SORCS1: variants seen among roughly 807,000 people sequenced by gnomAD.
The protein encoded by SORCS1 is sortilin related VPS10 domain containing receptor 1, also known as VPS10 domain-containing receptor SorCS1.
Under a neutral mutation model 146.1 loss-of-function variants are expected in SORCS1, and 60 were observed. That is an observed-to-expected ratio of 0.41 (90% CI 0.33 to 0.51). The LOEUF is 0.51. SORCS1 is among the 20% of genes least tolerant of loss of function. The probability of loss-of-function intolerance (pLI) is 0.21; values close to 1 mark genes in which losing one functional copy is unlikely to be tolerated. For synonymous variants in SORCS1, 637 were observed against 584.0 expected, an observed-to-expected ratio of 1.09 and a Z score of -1.31; for missense variants, 1,352 against 1,487.6, an observed-to-expected ratio of 0.91 and a Z score of 1.50.
At chr10:106,698,135 C>T (rs1201023745) in intron 9 of SORCS1, among the ~76,000 whole-genome samples, 1 of 152,170 alleles carries the variant, frequency 6.6e-6, no homozygotes, top group African/African-American at 2.4e-5. Context: ...TATACATACA[C>T]AGAAGTTTAG....
At chr10:106,656,238 C>T (rs1850275630) in intron 17 of SORCS1, among the ~76,000 whole-genome samples, 1 of 152,088 alleles carries the variant, frequency 6.6e-6, no homozygotes, top group Non-Finnish European at 1.5e-5. Context: ...TTCTTTGCTA[C>T]CTGGAAGTCT....
At chr10:107,039,961 A>T (rs1316347465) in intron 1 of SORCS1, among the ~76,000 whole-genome samples, 3 of 152,142 alleles carry the variant, frequency 2.0e-5, no homozygotes, top group Admixed American at 6.5e-5. Flanking sequence ...AAAGAAAAAA[A>T]TTAGCCAGGC....
chr10:107,102,759 A>G (rs993235079), intron 1 of SORCS1, among the ~76,000 whole-genome samples: 1 of 152,244 alleles, frequency 6.6e-6, no homozygotes, highest in Non-Finnish European at 1.5e-5. Context: ...AAATGCACAC[A>G]CAATTAGAGG....
At chr10:106,989,305 C>G (rs112547441) in intron 1 of SORCS1, among the ~76,000 whole-genome samples, 29,392 of 141,796 alleles carry the variant, frequency 0.21, 4,263 homozygotes, top group Middle Eastern at 0.31. Context: ...AAAGAATACT[C>G]CAATGCCTTT....
intron 24 of SORCS1, among the ~76,000 whole-genome samples, chr10:106,588,572 A>C (rs1381211522): frequency 6.6e-6 from 1 of 152,094 alleles, no homozygotes; most frequent in Non-Finnish European, 1.5e-5. Context: ...AAAAATGAAG[A>C]TTCCTGGGGC....
At chr10:106,928,607 C>A (rs919617767) in intron 2 of SORCS1, among the ~76,000 whole-genome samples, 2 of 152,214 alleles carry the variant, frequency 1.3e-5, no homozygotes, top group African/African-American at 4.8e-5. Flanking sequence ...GCAGAGGCAG[C>A]GCTGAGAGCG....
intron 1 of SORCS1, among the ~76,000 whole-genome samples, chr10:107,139,010 GA>G (rs1318817100): frequency 6.6e-6 from 1 of 152,154 alleles, no homozygotes; most frequent in Non-Finnish European, 1.5e-5. Context: ...CCAACCAAAT[GA>G]GGGTAAACAA....
chr10:106,679,525 C>A, intron 11 of SORCS1, 107 bp downstream of exon 11: 1 of 1,103,376 alleles, frequency 9.1e-7, no homozygotes. Flanking sequence ...TCATTAAGTT[C>A]CAAGTACAGA....
At chr10:106,708,442 T>C (rs952359073) in intron 7 of SORCS1, among the ~76,000 whole-genome samples, 1 of 152,192 alleles carries the variant, frequency 6.6e-6, no homozygotes, top group Non-Finnish European at 1.5e-5. Context: ...CTTTTATATA[T>C]ACGTATAAGC....
chr10:106,645,910 T>C (rs2133712530), intron 18 of SORCS1, among the ~76,000 whole-genome samples: 1 of 152,266 alleles, frequency 6.6e-6, no homozygotes, highest in East Asian at 1.9e-4. Flanking sequence ...TAATTTTTTA[T>C]TTTTGAAATA....
chr10:106,812,922 A>T (rs1266554708), intron 3 of SORCS1, among the ~76,000 whole-genome samples: 1 of 152,046 alleles, frequency 6.6e-6, no homozygotes, highest in Non-Finnish European at 1.5e-5. Context: ...TGTACAAGGG[A>T]AAGAACAAGT....
At chr10:106,995,267 T>G (rs1198676942) in intron 1 of SORCS1, among the ~76,000 whole-genome samples, 1 of 148,310 alleles carries the variant, frequency 6.7e-6, no homozygotes, top group Non-Finnish European at 1.5e-5. Flanking sequence ...TGAGCCGAGA[T>G]CGCACCACCG....
chr10:106,649,316 G>C (rs994915157), intron 18 of SORCS1, among the ~76,000 whole-genome samples: 1 of 152,106 alleles, frequency 6.6e-6, no homozygotes, highest in Non-Finnish European at 1.5e-5. Flanking sequence ...ACTGCTGTGG[G>C]GTCAGAGCCC....
rs753822918 is a variant in SORCS1, at chr10:106,688,341, G to A, written c.1414-3C>T. ...AACATTCCCTTTATCCCTGCTACCT[G>A]GGAAAAATTGACATGGCTGAAAAAT... On this transcript the variant is annotated splice_polypyrimidine_tract_variant and splice_region_variant and intron_variant, in intron 9 of 25. Transcript: ENST00000263054. The A allele has an allele frequency of 3.1e-6, 5 of 1,607,044 alleles. No individual in the cohort carries two copies. The highest frequency in any genetic ancestry group is 4.2e-6 in the Non-Finnish European group (5 of 1,177,868).
chr10:106,797,346 A>G (rs1946623833), intron 3 of SORCS1, among the ~76,000 whole-genome samples: 1 of 151,976 alleles, frequency 6.6e-6, no homozygotes. Context: ...TTTTTCAAAT[A>G]TATCATTTGC....
chr10:106,596,401 C>T (rs1173056803), intron 24 of SORCS1, among the ~76,000 whole-genome samples: 2 of 152,322 alleles, frequency 1.3e-5, no homozygotes, highest in African/African-American at 2.4e-5. Context: ...ATTATTAATA[C>T]ATCACAACAA....
At chr10:107,173,918 A>C in the SORCS1 span, among the ~76,000 whole-genome samples, 1 of 152,204 alleles carries the variant, frequency 6.6e-6, no homozygotes, top group Non-Finnish European at 1.5e-5. Context: ...TTTTGTGCTA[A>C]CAAAGCACTT....
chr10:107,157,051 AAGCTGAACCTGGAACTCAGGAGCTCTAC>A (rs1245210912), intron 1 of SORCS1, among the ~76,000 whole-genome samples: 6 of 152,220 alleles, frequency 3.9e-5, no homozygotes, highest in African/African-American at 1.4e-4. Context: ...ACAACTTGAA[AAGCTGAACCTGGAACTCAGGAGCTCTAC>A]AGCCAATATT....
At chr10:106,771,289 A>G (rs1201943923) in intron 4 of SORCS1, among the ~76,000 whole-genome samples, 1 of 152,072 alleles carries the variant, frequency 6.6e-6, no homozygotes, top group Non-Finnish European at 1.5e-5. Context: ...GTTTCCCAAC[A>G]CATCATGTTT....
Sources: allele counts gnomAD v4.1 joint callset (sites outside exome capture counted in the v4.1 genomes callset), GRCh38; gene constraint gnomAD v4.1.1; transcripts MANE v1.5; gene names NCBI Gene and HGNC (gene_info 2026-07-23, HGNC 2026-07-21).